The following MSRA variants were observed in gnomAD, a reference collection of about 807,000 sequenced individuals.
MSRA encodes the protein mitochondrial peptide methionine sulfoxide reductase.
MSRA carries 54 observed loss-of-function variants against 31.3 expected under a neutral mutation model. That is an observed-to-expected ratio of 1.73 (90% CI 1.39 to 2.17). The LOEUF is 2.17. Ranked by LOEUF, MSRA falls within the 30% of genes most tolerant of loss-of-function variation. The probability of loss-of-function intolerance (pLI) is 0.00; values close to 1 mark genes in which losing one functional copy is unlikely to be tolerated. For synonymous variants in MSRA, 169 were observed against 116.5 expected, an observed-to-expected ratio of 1.45 and a Z score of -2.90; for missense variants, 507 against 300.9, an observed-to-expected ratio of 1.69 and a Z score of -5.07.
chr8:10,210,054 C>A (rs182134918), intron 2 of MSRA, among the ~76,000 whole-genome samples: 2 of 152,014 alleles, frequency 1.3e-5, no homozygotes, highest in East Asian at 3.9e-4. Context: ...TCGCCCTGGG[C>A]TAGGGTAGAG....
intron 1 of MSRA, among the ~76,000 whole-genome samples, chr8:10,066,168 C>T (rs912728606): frequency 5.3e-5 from 8 of 151,958 alleles, no homozygotes; most frequent in South Asian, 4.1e-4. Context: ...GGATTACAGG[C>T]GCCCAGCAGG....
At chr8:10,378,470 A>G (rs1805873896) in intron 5 of MSRA, among the ~76,000 whole-genome samples, 1 of 152,188 alleles carries the variant, frequency 6.6e-6, no homozygotes, top group Admixed American at 6.5e-5. Flanking sequence ...GGCATTTCCT[A>G]TCAGGGTGGC....
At chr8:10,423,273 C>T (rs534278764) in intron 5 of MSRA, among the ~76,000 whole-genome samples, 4 of 152,280 alleles carry the variant, frequency 2.6e-5, no homozygotes, top group African/African-American at 9.6e-5. Flanking sequence ...AACCGAGATC[C>T]GGATCTAAGG....
At chr8:10,310,183 A>G (rs1461114818) in intron 4 of MSRA, among the ~76,000 whole-genome samples, 2 of 152,218 alleles carry the variant, frequency 1.3e-5, no homozygotes, top group Non-Finnish European at 2.9e-5. Context: ...GACAGTGGGA[A>G]TGATATTGTA....
intron 2 of MSRA, among the ~76,000 whole-genome samples, chr8:10,241,361 C>G (rs899541146): frequency 6.6e-6 from 1 of 152,038 alleles, no homozygotes; most frequent in Non-Finnish European, 1.5e-5. Context: ...GTCTCACTGG[C>G]CAAAGATATG....
chr8:10,240,273 G>C (rs567022965), intron 2 of MSRA, among the ~76,000 whole-genome samples: 2 of 152,342 alleles, frequency 1.3e-5, no homozygotes, highest in East Asian at 3.9e-4. Flanking sequence ...GACAGTCTCT[G>C]TTGCTGGCCA....
At chr8:10,105,477 T>C (rs1210479408) in intron 1 of MSRA, among the ~76,000 whole-genome samples, 1 of 152,242 alleles carries the variant, frequency 6.6e-6, no homozygotes, top group Admixed American at 6.5e-5. Flanking sequence ...TCCCCAGGCA[T>C]CCATCATTGA....
At chr8:10,386,876 A>G (rs1024458507) in intron 5 of MSRA, among the ~76,000 whole-genome samples, 1 of 151,426 alleles carries the variant, frequency 6.6e-6, no homozygotes, top group Non-Finnish European at 1.5e-5. Flanking sequence ...ATTATTTAAA[A>G]AAAAAAAAAA....
At chr8:10,236,135 A>T (rs1208232079) in intron 2 of MSRA, among the ~76,000 whole-genome samples, 1 of 152,188 alleles carries the variant, frequency 6.6e-6, no homozygotes, top group Non-Finnish European at 1.5e-5. Flanking sequence ...CAACCTGATA[A>T]AGGATATCTT....
At chr8:10,188,483 C>T (rs898766131) in intron 1 of MSRA, among the ~76,000 whole-genome samples, 16 of 152,146 alleles carry the variant, frequency 1.1e-4, no homozygotes, top group African/African-American at 2.9e-4. Flanking sequence ...TCCACAATTA[C>T]GGATTTCGAG....
At chr8:10,264,020 G>A (rs1265991144) in intron 3 of MSRA, among the ~76,000 whole-genome samples, 2 of 152,096 alleles carry the variant, frequency 1.3e-5, no homozygotes, top group African/African-American at 4.8e-5. Context: ...CTTCAGATCT[G>A]TGTGTCTACT....
At chr8:10,331,282 C>T (rs1793258421) in intron 5 of MSRA, among the ~76,000 whole-genome samples, 1 of 152,216 alleles carries the variant, frequency 6.6e-6, no homozygotes, top group Non-Finnish European at 1.5e-5. Flanking sequence ...GGGGGCAGAG[C>T]ACTGGCTTGG....
At chr8:10,268,382 ACT>A (rs35796879) in intron 3 of MSRA, among the ~76,000 whole-genome samples, 28,973 of 151,922 alleles carry the variant, frequency 0.19, 3,635 homozygotes, top group Non-Finnish European at 0.29. Context: ...GGGAGACTAC[ACT>A]CTTTTATTCC....
At chr8:10,222,207 G>T (rs75486359) in intron 2 of MSRA, among the ~76,000 whole-genome samples, 4 of 151,952 alleles carry the variant, frequency 2.6e-5, no homozygotes, top group Admixed American at 2.6e-4. Flanking sequence ...GCTTTTGAAC[G>T]TAACTACTTT....
chr8:10,263,958 A>G (rs1206181362), intron 3 of MSRA, among the ~76,000 whole-genome samples: 2 of 152,204 alleles, frequency 1.3e-5, no homozygotes, highest in East Asian at 3.8e-4. Flanking sequence ...CACTCAAGTA[A>G]ATAATGATGT....
intron 1 of MSRA, among the ~76,000 whole-genome samples, chr8:10,056,137 C>A (rs1802348878): frequency 6.9e-6 from 1 of 145,530 alleles, no homozygotes; most frequent in African/African-American, 2.5e-5. Flanking sequence ...CAGACTTCCT[C>A]AGCTTGTGCT....
At chr8:10,280,228 C>G (rs1386306881) in intron 3 of MSRA, among the ~76,000 whole-genome samples, 3 of 151,844 alleles carry the variant, frequency 2.0e-5, no homozygotes, top group African/African-American at 7.3e-5. Flanking sequence ...CTTCGTGAAC[C>G]TTTCTATAAA....
chr8:10,086,993 G>C (rs1798593796), intron 1 of MSRA, among the ~76,000 whole-genome samples: 1 of 152,092 alleles, frequency 6.6e-6, no homozygotes, highest in Non-Finnish European at 1.5e-5. Context: ...TTCCACACTG[G>C]AGCTTTGTGT....
At chr8:10,131,631 T>A (rs572308523) in intron 1 of MSRA, among the ~76,000 whole-genome samples, 1 of 152,316 alleles carries the variant, frequency 6.6e-6, no homozygotes, top group African/African-American at 2.4e-5. Flanking sequence ...GAAATCCCTA[T>A]GGAGCTTGTT....
Sources: gnomAD v4.1 joint callset for allele counts (sites outside exome capture counted in the v4.1 genomes callset) on GRCh38, gnomAD v4.1.1 for gene constraint, MANE v1.5 for transcripts, NCBI Gene and HGNC (gene_info 2026-07-23, HGNC 2026-07-21) for gene names.